SPATS2L: variants seen among roughly 807,000 people sequenced by gnomAD.
SPATS2L encodes the protein spermatogenesis associated serine rich 2 like, also known as SPATS2-like protein.
SPATS2L carries 30 observed loss-of-function variants against 59.6 expected under a neutral mutation model. The ratio of observed to expected loss-of-function variants is 0.50; its 90% confidence interval spans 0.38 to 0.68. SPATS2L has a LOEUF of 0.68. Ranked by LOEUF, SPATS2L falls within the 30% of genes least tolerant of loss-of-function variation. The pLI, the probability that SPATS2L is intolerant of heterozygous loss-of-function variation, is 0.00. For synonymous variants in SPATS2L, 252 were observed against 263.5 expected (o/e 0.96, Z 0.42); for missense variants, 615 against 700.0 (o/e 0.88, Z 1.37).
upstream of SPATS2L, chr2:200,306,305 G>GAACAC: frequency 1.0e-6 from 1 of 1,002,374 alleles, no homozygotes; most frequent in Non-Finnish European, 1.2e-6. Context: ...AGGAGAAGAT[G>GAACAC]ATTCTCTTGC....
chr2:200,355,026 T>G lies in SPATS2L; in HGVS notation c.-23+25546T>G, dbSNP rs566862213. Among the ~76,000 whole-genome samples the G allele has an allele frequency of 2.0e-5, 3 of 152,218 alleles. No individual in the cohort carries two copies. In the South Asian group the frequency reaches 6.2e-4, roughly 32 times the overall value. On this transcript the variant is annotated intron_variant, in intron 2 of 12. Coordinates refer to ENST00000409140, the MANE Select transcript of SPATS2L (RefSeq NM_001100423.2). ...AAAGTATGGTTGGATATACGTACAA[T>G]CCCTGACTTACAAGAACTTGACAAA...
At position 200,418,581 on chromosome 2, in the gene SPATS2L, TAATAAATAAATA is replaced by T. The variant is rs146482107; in HGVS notation, c.199-643_199-632del. On this transcript the variant is annotated intron_variant, in intron 5 of 12. Transcript: ENST00000409140. ...AGAGCCAGAGTGAGACCTTATTAAATAATAAATAAATAAATAAATAAATAAATAAATAAATAA... is the reference window on the plus strand; with the variant it reads ...AGAGCCAGAGTGAGACCTTATTAAATAATAAATAAATAAATAAATAAATAA... 6.8e-4 allele frequency among the ~76,000 whole-genome samples: 99 copies of T among 145,394 alleles called. 3 individuals are homozygous for T. Among genetic ancestry groups the T allele is most frequent in the Middle Eastern group, 3.5e-3 (1 of 284 alleles).
intron 2 of SPATS2L, among the ~76,000 whole-genome samples, chr2:200,375,687 C>T (rs2081575669): frequency 6.6e-6 from 1 of 152,150 alleles, no homozygotes; most frequent in Non-Finnish European, 1.5e-5. Flanking sequence ...GTGCCAGTGG[C>T]ATGATCACAG....
intron 6 of SPATS2L, among the ~76,000 whole-genome samples, chr2:200,424,395 G>A (rs1034814760): frequency 8.5e-5 from 13 of 152,150 alleles, no homozygotes; most frequent in African/African-American, 2.9e-4. Flanking sequence ...AGGTTGAGGT[G>A]GGAAAATCCT....
intron 8 of SPATS2L, among the ~76,000 whole-genome samples, chr2:200,457,383 TAGAC>T (rs1483316184): frequency 3.3e-5 from 5 of 152,184 alleles, no homozygotes; most frequent in African/African-American, 1.2e-4. Context: ...GTTGATTACA[TAGAC>T]AGTCTCTGGA....
intron 11 of SPATS2L, 134 bp from the exon 12 acceptor site, chr2:200,472,698 T>G (rs1014409149): frequency 1.3e-6 from 1 of 757,154 alleles, no homozygotes; most frequent in African/African-American, 1.8e-5. Context: ...AAATAACATC[T>G]TTCAAAAGAA....
chr2:200,317,891 T>C (rs2079432340), intron 1 of SPATS2L, among the ~76,000 whole-genome samples: 1 of 152,260 alleles, frequency 6.6e-6, no homozygotes, highest in African/African-American at 2.4e-5. Context: ...GACAGATTTT[T>C]CACACTTATT....
intron 8 of SPATS2L, among the ~76,000 whole-genome samples, chr2:200,452,549 C>T (rs535491026): frequency 6.6e-6 from 1 of 152,284 alleles, no homozygotes; most frequent in African/African-American, 2.4e-5. Context: ...ATGATTCCAA[C>T]ATAAAATATG....
chr2:200,384,563 A>T (rs1344547065), intron 2 of SPATS2L, among the ~76,000 whole-genome samples: 2 of 152,220 alleles, frequency 1.3e-5, no homozygotes, highest in Non-Finnish European at 2.9e-5. Flanking sequence ...CGTGTTAGCC[A>T]GGATGGTCTT....
intron 8 of SPATS2L, among the ~76,000 whole-genome samples, chr2:200,458,045 A>G (rs2085973985): frequency 6.6e-6 from 1 of 152,220 alleles, no homozygotes; most frequent in Non-Finnish European, 1.5e-5. Flanking sequence ...CAAACAAGCA[A>G]AAAAATCTTC....
chr2:200,359,005 T>C (rs967836481), intron 2 of SPATS2L, among the ~76,000 whole-genome samples: 3 of 146,126 alleles, frequency 2.1e-5, no homozygotes, highest in African/African-American at 5.0e-5. Context: ...AAAAAAAAAA[T>C]ACACACACAC....
At chr2:200,429,614 C>G (rs1489143251) in intron 6 of SPATS2L, among the ~76,000 whole-genome samples, 1 of 152,126 alleles carries the variant, frequency 6.6e-6, no homozygotes, top group Non-Finnish European at 1.5e-5. Context: ...TAGGTTGGAG[C>G]TCCTCTGAAT....
intron 2 of SPATS2L, chr2:200,373,270 C>CAAAAAAAAAAAAAAAAAAAAAAA (rs3856514): frequency 9.4e-6 from 1 of 106,038 alleles, no homozygotes; most frequent in African/African-American, 3.8e-5. Context: ...ACTGCCTTAA[C>CAAAAAAAAAAAAAAAAAAAAAAA]AAAAAAAAAA....
chr2:200,383,866 G>A (rs2081905549), intron 2 of SPATS2L: 1 of 999,562 alleles, frequency 1.0e-6, no homozygotes, highest in Non-Finnish European at 1.2e-6. Context: ...CTTAAATCCA[G>A]TTCAAGCAAA....
intron 7 of SPATS2L, among the ~76,000 whole-genome samples, chr2:200,440,299 A>G (rs1245172800): frequency 1.3e-5 from 2 of 152,184 alleles, no homozygotes; most frequent in African/African-American, 2.4e-5. Context: ...TTAACCACGC[A>G]AAGTGGTGTT....
intron 2 of SPATS2L, among the ~76,000 whole-genome samples, chr2:200,334,109 A>G (rs1223036142): frequency 1.3e-5 from 2 of 152,250 alleles, no homozygotes; most frequent in Admixed American, 1.3e-4. Flanking sequence ...ACTAGTTTAT[A>G]GTCCCACCAA....
intron 2 of SPATS2L, among the ~76,000 whole-genome samples, chr2:200,376,692 T>C (rs17531736): frequency 0.1 from 15,235 of 152,286 alleles, 870 homozygotes; most frequent in Non-Finnish European, 0.13. Flanking sequence ...AGTGGTATTG[T>C]AGTAATGGAT....
intron 1 of SPATS2L, among the ~76,000 whole-genome samples, chr2:200,328,410 G>T (rs1229815841): frequency 6.6e-6 from 1 of 152,134 alleles, no homozygotes; most frequent in Non-Finnish European, 1.5e-5. Context: ...GGGAGAAAAA[G>T]TTAGTCCAAA....
chr2:200,460,517 A>C (rs2086158566), intron 9 of SPATS2L, among the ~76,000 whole-genome samples: 1 of 152,058 alleles, frequency 6.6e-6, no homozygotes, highest in Non-Finnish European at 1.5e-5. Context: ...AGGCCGAGGC[A>C]GGCAGATCAC....
Sources: gnomAD v4.1 joint callset for allele counts (sites outside exome capture counted in the v4.1 genomes callset) on GRCh38, gnomAD v4.1.1 for gene constraint, MANE v1.5 for transcripts, NCBI Gene and HGNC (gene_info 2026-07-23, HGNC 2026-07-21) for gene names.